The following GPR21 variants were observed in gnomAD, a reference collection of about 807,000 sequenced individuals.
GPR21 encodes the protein probable G protein-coupled receptor 21.
GPR21 carries 9 observed loss-of-function variants against 21.5 expected under a neutral mutation model. The ratio of observed to expected loss-of-function variants is 0.42; its 90% CI spans 0.25 to 0.73. GPR21 has a LOEUF of 0.73. GPR21 is among the 30% of genes least tolerant of loss of function. The probability of loss-of-function intolerance (pLI) is 0.27; values close to 1 mark genes in which losing one functional copy is unlikely to be tolerated. For missense variants in GPR21, 416 were observed against 428.9 expected (o/e 0.97, Z 0.27); for synonymous variants, 169 against 159.3 (o/e 1.06, Z -0.46).
chr9:123,042,982 T>G, the GPR21 span, among the ~76,000 whole-genome samples: 1 of 152,192 alleles, frequency 6.6e-6, no homozygotes, highest in East Asian at 1.9e-4. Flanking sequence ...AGCAGAGGAC[T>G]TTTTGCCACA....
At chr9:123,036,781 G>GA (rs1474759459), downstream of GPR21, among the ~76,000 whole-genome samples, 4 of 148,818 alleles carry the variant, frequency 2.7e-5, no homozygotes, top group East Asian at 1.9e-4. Flanking sequence ...TTTCTCTCTG[G>GA]AAAAAAAATC....
chr9:123,034,266 C>T lies in GPR21; in HGVS notation c.-301C>T, dbSNP rs968855826. On this transcript the variant is annotated 5_prime_UTR_variant, in exon 2 of 2. The change creates a new upstream start codon in the 5' untranslated region. Transcript: ENST00000616002. ...CCCCTACCCTCACTTGGCCTGAAGA[C>T]GTTCTCCCCAGAGTTTACCTTGCTC... The T allele has an allele frequency of 9.7e-6, 4 of 414,242 alleles. No individual in the cohort carries two copies. The highest frequency in any genetic ancestry group is 2.0e-5 in the African/African-American group (1 of 48,988). 25.7% of individuals were successfully genotyped at this position (414,242 alleles called of 1,614,324 possible).
Position 123,034,325 on chromosome 9 carries a change from A to G in GPR21, c.-242A>G, listed in dbSNP as rs889197091. Reference sequence around the variant, plus strand: ...CTATGTGTATGGTGAACCTGGCACTATGGCCGCGTCTGGGACTGGCCAGAC... The same window carrying G: ...CTATGTGTATGGTGAACCTGGCACTGTGGCCGCGTCTGGGACTGGCCAGAC... On this transcript the variant is annotated 5_prime_UTR_variant, in exon 2 of 2. An upstream start codon of the reference 5' UTR is lost. Coordinates refer to ENST00000616002, the MANE Select transcript of GPR21 (RefSeq NM_005294.3). 4 of 539,690 alleles carry G rather than the reference A, an allele frequency of 7.4e-6. No individual in the cohort carries two copies. The highest frequency in any genetic ancestry group is 1.3e-5 in the Non-Finnish European group (4 of 309,444). 33.4% of individuals were successfully genotyped at this position (539,690 alleles called of 1,614,324 possible). A position where few individuals can be genotyped will look rare whatever the true frequency, so the allele number is the denominator to read the frequency against.
At chr9:123,040,706 G>C in the GPR21 span, among the ~76,000 whole-genome samples, 2 of 151,966 alleles carry the variant, frequency 1.3e-5, no homozygotes, top group African/African-American at 2.4e-5. Context: ...TTTTACGTTA[G>C]TTTGAGGGAG....
chr9:123,039,041 G>A (rs746022586), downstream of GPR21, among the ~76,000 whole-genome samples: 1 of 152,098 alleles, frequency 6.6e-6, no homozygotes, highest in African/African-American at 2.4e-5. Flanking sequence ...GATAATAGAT[G>A]TGAAAGTACT....
At chr9:123,044,851 C>T in the GPR21 span, among the ~76,000 whole-genome samples, 28 of 152,210 alleles carry the variant, frequency 1.8e-4, no homozygotes, top group African/African-American at 5.5e-4. Flanking sequence ...TCTGATTCCT[C>T]TCCTCACCCC....
In GPR21 at chr9:123,035,432, C is replaced by T. The variant is rs775406047; in HGVS notation, c.866C>T (p.Thr289Ile). 2 of 1,614,178 alleles carry T rather than the reference C, an allele frequency of 1.2e-6. No individual in the cohort carries two copies. Among genetic ancestry groups the T allele is most frequent in the Non-Finnish European group, 1.7e-6 (2 of 1,180,010 alleles). ...AGCAACCGCTTCGCATCCTTCTTGA[C>T]CACCTGGCTTGCTATTAGTAACAGT... ...GHSNRFASFL[T>I]TWLAISNSFC... is the part of the protein sequence containing the mutation. The change falls in exon 2 of 2, where the codon ACC (threonine) becomes ATC (isoleucine). Residue 289 changes from threonine (T) to isoleucine (I), a missense_variant. Thr to Ile is a moderately conservative substitution (Grantham distance 89, BLOSUM62 -1). Transcript: ENST00000616002.
rs2032488929 is a variant in GPR21 at position 123,034,376 on chromosome 9, A to T, written c.-191A>T. 3.5e-6 allele frequency: 2 copies of T among 579,656 alleles called. No individual in the cohort carries two copies. Among genetic ancestry groups the T allele is most frequent in the East Asian group, 5.7e-5 (2 of 35,258 alleles). 35.9% of individuals were successfully genotyped at this position (579,656 alleles called of 1,614,324 possible). ...AACTGCTGCTGGCTCTCCTTATTCC[A>T]GGAAGGATTTAAAGGGGAATTGCAC... On this transcript the variant is annotated 5_prime_UTR_variant, in exon 2 of 2. Coordinates refer to ENST00000616002, the MANE Select transcript of GPR21 (RefSeq NM_005294.3).
chr9:123,039,328 A>G (rs2032834734), downstream of GPR21, among the ~76,000 whole-genome samples: 1 of 152,182 alleles, frequency 6.6e-6, no homozygotes, highest in Non-Finnish European at 1.5e-5. Flanking sequence ...CTCTGAAGGC[A>G]AGGGACAGTG....
chr9:123,034,796 T>C lies in GPR21; in HGVS notation c.230T>C (p.Phe77Ser). The C allele has an allele frequency of 6.2e-7, 1 of 1,613,986 alleles. No individual in the cohort carries two copies. Among genetic ancestry groups the C allele is most frequent in the Non-Finnish European group, 8.5e-7 (1 of 1,179,860 alleles). ...CAGACTATGGCATATGCTGACCTTT[T>C]TGTTGGGGTGAGCTGCGTGGTCCCT... ...FIQTMAYADL[F>S]VGVSCVVPSL... The change falls in exon 2 of 2, where the codon TTT becomes TCT. Residue 77 changes from phenylalanine to serine, a missense_variant. Physicochemically the swap from Phe to Ser is radical, Grantham distance 155. Coordinates refer to ENST00000616002, the MANE Select transcript of GPR21 (RefSeq NM_005294.3).
the GPR21 span, among the ~76,000 whole-genome samples, chr9:123,041,666 G>A: frequency 1.1e-3 from 165 of 152,290 alleles, no homozygotes; most frequent in Non-Finnish European, 1.8e-3. Flanking sequence ...CAGAATTTTG[G>A]AATATGGAAA....
chr9:123,044,743 T>A, the GPR21 span, among the ~76,000 whole-genome samples: 1 of 152,020 alleles, frequency 6.6e-6, no homozygotes, highest in African/African-American at 2.4e-5. Context: ...CAAAATGCCA[T>A]GTAGTGTTCA....
rs992084974 is a variant in GPR21, at chr9:123,034,493, C to T, written c.-74C>T. 1.1e-6 allele frequency: 1 copy of T among 898,636 alleles called. No individual in the cohort carries two copies. Among genetic ancestry groups the T allele is most frequent in the Non-Finnish European group, 1.7e-6 (1 of 575,084 alleles). The allele number at this position is 898,636 out of a possible 1,614,324, so 55.7% of individuals were successfully genotyped here. A position where few individuals can be genotyped will look rare whatever the true frequency, so the allele number is the denominator to read the frequency against. On this transcript the variant is annotated 5_prime_UTR_variant, in exon 2 of 2. Coordinates refer to ENST00000616002, the MANE Select transcript of GPR21 (RefSeq NM_005294.3). ...ACACATGCAAAGCTGACCGCAATGA[C>T]AGCAGCTGCTTCTTTGAACTGTTGG...
chr9:123,035,304 T>C lies in GPR21; in HGVS notation c.738T>C (p.Pro246=). Residue 246 remains proline, a synonymous_variant, in exon 2 of 2, where the codon CCT becomes CCC. Coordinates refer to ENST00000616002, the MANE Select transcript of GPR21 (RefSeq NM_005294.3). ...AGACTGGGGAAGTGCAGGCCTGTCC[T>C]GATAAGCGCTATGCCATGGTCCTGT... is the stretch of plus-strand genomic sequence containing the variant. ...SGETGEVQAC[P]DKRYAMVLFR... is the part of the protein sequence containing the mutation. The C allele has an allele frequency of 6.2e-7, 1 of 1,614,210 alleles. No individual in the cohort carries two copies. Among genetic ancestry groups the C allele is most frequent in the Non-Finnish European group, 8.5e-7 (1 of 1,180,016 alleles).
At chr9:123,044,605 GA>G in the GPR21 span, among the ~76,000 whole-genome samples, 1 of 149,930 alleles carries the variant, frequency 6.7e-6, no homozygotes, top group East Asian at 1.9e-4. Flanking sequence ...TCGTGGGAAG[GA>G]ATATAGGAAA....
At chr9:123,036,056 G>A (rs1208329538), downstream of GPR21, among the ~76,000 whole-genome samples, 2 of 152,042 alleles carry the variant, frequency 1.3e-5, no homozygotes, top group African/African-American at 2.4e-5. Flanking sequence ...TTCTTCTAAC[G>A]GAATAGTAAA....
At chr9:123,046,084 ATAGT>A in the GPR21 span, among the ~76,000 whole-genome samples, 2 of 152,234 alleles carry the variant, frequency 1.3e-5, no homozygotes, top group African/African-American at 4.8e-5. Context: ...TACTGCCTTG[ATAGT>A]TAGCTCCAGT....
chr9:123,044,386 T>C, the GPR21 span, among the ~76,000 whole-genome samples: 1 of 152,224 alleles, frequency 6.6e-6, no homozygotes, highest in African/African-American at 2.4e-5. Flanking sequence ...AATTGTCTCA[T>C]TTAATCCCCC....
At chr9:123,041,016 A>G in the GPR21 span, among the ~76,000 whole-genome samples, 5 of 152,184 alleles carry the variant, frequency 3.3e-5, no homozygotes, top group African/African-American at 4.8e-5. Context: ...TTGCTTTTGC[A>G]GAGGAGTTGG....
Sources: allele counts gnomAD v4.1 joint callset (sites outside exome capture counted in the v4.1 genomes callset), GRCh38; gene constraint gnomAD v4.1.1; transcripts MANE v1.5; gene names NCBI Gene and HGNC (gene_info 2026-07-23, HGNC 2026-07-21).